LOC728743: variants seen among roughly 807,000 people sequenced by gnomAD.
chr7:150,408,258 G>A, the LOC728743 span: 1 of 383,150 alleles, frequency 2.6e-6, no homozygotes, highest in Middle Eastern at 6.7e-4. Context: ...GCTGCTTCCC[G>A]CCCCGCACGT....
chr7:150,408,467 T>G, the LOC728743 span: 25 of 296,326 alleles, frequency 8.4e-5, no homozygotes, highest in Non-Finnish European at 1.1e-4. Flanking sequence ...TCTCCTTCTC[T>G]GGCCCATCCG....
chr7:150,407,608 G>T, the LOC728743 span: 1 of 398,804 alleles, frequency 2.5e-6, no homozygotes, highest in Non-Finnish European at 4.4e-6. Flanking sequence ...AGCTGGAAGT[G>T]CCCATGACCG....
At chr7:150,409,047 T>A in the LOC728743 span, among the ~76,000 whole-genome samples, 1 of 150,440 alleles carries the variant, frequency 6.6e-6, no homozygotes, top group Non-Finnish European at 1.5e-5. Flanking sequence ...TGGTTTCTCT[T>A]CGTCACCCAG....
chr7:150,405,316 A>C, the LOC728743 span: 11 of 152,180 alleles, frequency 7.2e-5, no homozygotes, highest in African/African-American at 2.4e-4. Context: ...AGGCGGCGCC[A>C]TGTGAGTGCG....
chr7:150,410,254 T>G, the LOC728743 span: 2 of 398,588 alleles, frequency 5.0e-6, no homozygotes, highest in Non-Finnish European at 8.8e-6. Flanking sequence ...TGGCTGGCAC[T>G]GCACCCGGGC....
At chr7:150,410,580 C>G in the LOC728743 span, 2 of 195,556 alleles carry the variant, frequency 1.0e-5, no homozygotes, top group Non-Finnish European at 2.1e-5. Context: ...GGTGGCAGAC[C>G]TGGTTCTAGA....
the LOC728743 span, among the ~76,000 whole-genome samples, chr7:150,406,510 G>A: frequency 6.6e-6 from 1 of 152,268 alleles, no homozygotes; most frequent in Non-Finnish European, 1.5e-5. Flanking sequence ...GCTTTCAACA[G>A]TGAGACAGGA....
At chr7:150,409,769 T>C in the LOC728743 span, among the ~76,000 whole-genome samples, 1 of 152,014 alleles carries the variant, frequency 6.6e-6, no homozygotes, top group Non-Finnish European at 1.5e-5. Flanking sequence ...ACCTGCACAT[T>C]CAGTCCTGTG....
the LOC728743 span, chr7:150,405,526 G>C: frequency 4.6e-5 from 7 of 151,672 alleles, no homozygotes; most frequent in Admixed American, 2.6e-4. Flanking sequence ...CTGCGGCCGT[G>C]GGGGGTGGGC....
chr7:150,412,196 C>A, the LOC728743 span: 1 of 152,326 alleles, frequency 6.6e-6, no homozygotes. Context: ...TGGAGCTTGT[C>A]GGTGGCCGGT....
At chr7:150,402,695 A>G in the LOC728743 span, among the ~76,000 whole-genome samples, 8 of 152,156 alleles carry the variant, frequency 5.3e-5, no homozygotes, top group Admixed American at 2.6e-4. Context: ...GGGAGATGGG[A>G]GATGGGAGAG....
the LOC728743 span, among the ~76,000 whole-genome samples, chr7:150,408,652 T>C: frequency 6.6e-6 from 1 of 152,116 alleles, no homozygotes; most frequent in Non-Finnish European, 1.5e-5. Context: ...AATGTCAGAG[T>C]TGAAAGAGAC....
At chr7:150,406,830 C>T in the LOC728743 span, among the ~76,000 whole-genome samples, 1 of 152,122 alleles carries the variant, frequency 6.6e-6, no homozygotes, top group East Asian at 1.9e-4. Flanking sequence ...GACCAGTCCC[C>T]CTGGGAGCCC....
the LOC728743 span, among the ~76,000 whole-genome samples, chr7:150,402,251 T>G: frequency 4.6e-5 from 7 of 152,182 alleles, no homozygotes; most frequent in African/African-American, 9.7e-5. Context: ...TTTGAATTGA[T>G]GTCATAGGTC....
the LOC728743 span, among the ~76,000 whole-genome samples, chr7:150,401,261 C>T: frequency 6.6e-6 from 1 of 152,194 alleles, no homozygotes; most frequent in Non-Finnish European, 1.5e-5. Context: ...ACACGAGCTT[C>T]AAGTCGTCCG....
chr7:150,408,990 C>T, the LOC728743 span, among the ~76,000 whole-genome samples: 2 of 152,156 alleles, frequency 1.3e-5, no homozygotes, highest in South Asian at 2.1e-4. Context: ...GTGTGTGACG[C>T]GGGGCCAACC....
At chr7:150,402,403 G>T in the LOC728743 span, among the ~76,000 whole-genome samples, 1 of 152,180 alleles carries the variant, frequency 6.6e-6, no homozygotes, top group African/African-American at 2.4e-5. Context: ...CTCATTCCTT[G>T]CATTGCATCA....
At chr7:150,406,162 T>C in the LOC728743 span, among the ~76,000 whole-genome samples, 2 of 152,180 alleles carry the variant, frequency 1.3e-5, no homozygotes, top group African/African-American at 2.4e-5. Flanking sequence ...CACCCCGGCC[T>C]CGAGGGTACG....
chr7:150,410,577 G>A, the LOC728743 span: 1 of 199,078 alleles, frequency 5.0e-6, no homozygotes, highest in African/African-American at 2.3e-5. Context: ...GTTGGTGGCA[G>A]ACCTGGTTCT....
Sources: gnomAD v4.1 joint callset for allele counts (sites outside exome capture counted in the v4.1 genomes callset) on GRCh38, gnomAD v4.1.1 for gene constraint, MANE v1.5 for transcripts.